The following RANBP2 variants were observed in gnomAD, a reference collection of about 807,000 sequenced individuals.
RANBP2 encodes the protein E3 SUMO-protein ligase RanBP2.
In RANBP2, 57 loss-of-function variants were observed where a neutral mutation model predicts 303.6. The observed-to-expected ratio is 0.19, with a 90% CI of 0.15 to 0.23. RANBP2 has a LOEUF of 0.23. RANBP2 is among the 10% of genes least tolerant of loss of function. RANBP2 has a pLI of 1.00. For synonymous variants in RANBP2, 1,167 were observed against 1,301.5 expected, an observed-to-expected ratio of 0.90 and a Z score of 2.23; for missense variants, 3,138 against 3,780.8, an observed-to-expected ratio of 0.83 and a Z score of 4.46.
At chr2:108,780,576 C>T (rs1321472127) in intron 25 of RANBP2, among the ~76,000 whole-genome samples, 1 of 150,522 alleles carries the variant, frequency 6.6e-6, no homozygotes, top group East Asian at 1.9e-4. Flanking sequence ...GTTGCCCAGG[C>T]TGGAGTGCAG....
chr2:109,252,228 A>G, the RANBP2 span, among the ~76,000 whole-genome samples: 1 of 150,542 alleles, frequency 6.6e-6, no homozygotes. Flanking sequence ...AGCCCAGGTG[A>G]CACAGTGAGA....
At chr2:109,407,534 C>CA in the RANBP2 span, among the ~76,000 whole-genome samples, 1 of 152,172 alleles carries the variant, frequency 6.6e-6, no homozygotes, top group South Asian at 2.1e-4. Context: ...GGAGCTGAAG[C>CA]AGGACCTTCC....
At chr2:109,728,050 C>A in the RANBP2 span, among the ~76,000 whole-genome samples, 6 of 152,130 alleles carry the variant, frequency 3.9e-5, no homozygotes, top group Non-Finnish European at 8.8e-5. Flanking sequence ...ACCTACCATG[C>A]GAGTATGTCT....
At chr2:108,911,207 G>T in the RANBP2 span, 2 of 1,113,640 alleles carry the variant, frequency 1.8e-6, no homozygotes, top group Non-Finnish European at 2.7e-6. Context: ...TGAGGTGCTT[G>T]CTTAGACTGA....
chr2:109,254,864 C>T, the RANBP2 span, among the ~76,000 whole-genome samples: 7 of 152,248 alleles, frequency 4.6e-5, no homozygotes, highest in South Asian at 2.1e-4. Context: ...TGTGGATGTC[C>T]GAATTCTCAC....
the RANBP2 span, among the ~76,000 whole-genome samples, chr2:109,095,775 T>A: frequency 6.6e-6 from 1 of 152,232 alleles, no homozygotes; most frequent in Non-Finnish European, 1.5e-5. Context: ...ATTGAAACTG[T>A]ATAGATTTAT....
the RANBP2 span, among the ~76,000 whole-genome samples, chr2:109,062,079 C>T: frequency 6.6e-6 from 1 of 152,186 alleles, no homozygotes; most frequent in Admixed American, 6.5e-5. Context: ...TGGGCAGGGC[C>T]AGGCAGGCAG....
chr2:108,983,521 T>C, the RANBP2 span, among the ~76,000 whole-genome samples: 15 of 152,164 alleles, frequency 9.9e-5, no homozygotes, highest in African/African-American at 3.6e-4. Flanking sequence ...CTTTCCTGTA[T>C]TCATCAGACC....
chr2:109,204,484 C>T, the RANBP2 span, among the ~76,000 whole-genome samples: 14 of 152,198 alleles, frequency 9.2e-5, no homozygotes, highest in African/African-American at 3.1e-4. Context: ...TTATGCCCCT[C>T]CAATCTCCCT....
the RANBP2 span, among the ~76,000 whole-genome samples, chr2:109,611,593 T>C: frequency 5.3e-5 from 8 of 151,204 alleles, no homozygotes. Context: ...CCCCTGCCTC[T>C]ACAAAAAATA....
At chr2:108,942,972 G>T in the RANBP2 span, among the ~76,000 whole-genome samples, 8 of 152,202 alleles carry the variant, frequency 5.3e-5, no homozygotes, top group African/African-American at 1.9e-4. Flanking sequence ...CTTCGCTGAC[G>T]TGCAGGTAAC....
chr2:109,283,027 T>A, the RANBP2 span, among the ~76,000 whole-genome samples: 22 of 152,180 alleles, frequency 1.4e-4, no homozygotes, highest in Non-Finnish European at 2.4e-4. Context: ...TGGCAAGGAC[T>A]GTGTGAACTG....
chr2:109,167,759 G>A, the RANBP2 span, among the ~76,000 whole-genome samples: 4 of 152,056 alleles, frequency 2.6e-5, no homozygotes, highest in African/African-American at 9.7e-5. Flanking sequence ...TTTTAGTAGA[G>A]GTGGGATTGC....
intron 8 of RANBP2, among the ~76,000 whole-genome samples, chr2:108,747,655 T>A (rs936513614): frequency 6.6e-6 from 1 of 152,144 alleles, no homozygotes; most frequent in Non-Finnish European, 1.5e-5. Flanking sequence ...TAGATAAAAA[T>A]TGCCTGTATT....
chr2:109,084,920 G>T, the RANBP2 span, among the ~76,000 whole-genome samples: 2 of 152,204 alleles, frequency 1.3e-5, no homozygotes, highest in African/African-American at 2.4e-5. Context: ...ATCTCTGCAG[G>T]CCTTGGCAAA....
chr2:109,507,682 G>A, the RANBP2 span, among the ~76,000 whole-genome samples: 2 of 152,214 alleles, frequency 1.3e-5, no homozygotes, highest in South Asian at 2.1e-4. Context: ...AACATGGTAA[G>A]GGTTAAATCC....
chr2:109,652,280 T>C, the RANBP2 span, among the ~76,000 whole-genome samples: 12 of 151,818 alleles, frequency 7.9e-5, no homozygotes, highest in Admixed American at 6.6e-4. Flanking sequence ...TGGAGCGCAG[T>C]GGCGCCATCT....
chr2:108,900,698 T>C, the RANBP2 span, among the ~76,000 whole-genome samples: 1 of 152,334 alleles, frequency 6.6e-6, no homozygotes, highest in East Asian at 1.9e-4. Flanking sequence ...AGAGAGGCGT[T>C]GGAAGTAAAG....
chr2:109,159,912 A>G, the RANBP2 span, among the ~76,000 whole-genome samples: 1 of 152,192 alleles, frequency 6.6e-6, no homozygotes, highest in South Asian at 2.1e-4. Flanking sequence ...AACTGATTCT[A>G]CATTATGGTG....
Sources: gnomAD v4.1 joint callset for allele counts (sites outside exome capture counted in the v4.1 genomes callset) on GRCh38, gnomAD v4.1.1 for gene constraint, MANE v1.5 for transcripts, NCBI Gene and HGNC (gene_info 2026-07-23, HGNC 2026-07-21) for gene names.